Variants in GRK5 observed in about 807,000 individuals in gnomAD.
GRK5 encodes G protein-coupled receptor kinase 5, also known as g protein-coupled receptor kinase GRK5.
GRK5 carries 40 observed loss-of-function variants against 78.4 expected under a neutral mutation model. The observed-to-expected ratio is 0.51, with a 90% confidence interval of 0.40 to 0.66. GRK5 has a LOEUF of 0.66. Ranked by LOEUF, GRK5 falls within the 30% of genes least tolerant of loss-of-function variation. The pLI, the probability that GRK5 is intolerant of heterozygous loss-of-function variation, is 0.00. For synonymous variants in GRK5, 289 were observed against 296.8 expected (o/e 0.97, Z 0.27); for missense variants, 598 against 759.9 (o/e 0.79, Z 2.50).
rs67973033 is a variant in GRK5, at chr10:119,408,341, C to CAAAAAAAAA, written c.339+11583_339+11591dup. 1.4e-4 allele frequency among the ~76,000 whole-genome samples: 7 copies of CAAAAAAAAA among 48,690 alleles called. 1 individual carries two copies. Among genetic ancestry groups the CAAAAAAAAA allele is most frequent in the African/African-American group, 4.2e-4 (5 of 11,982 alleles). The allele number at this position is 48,690 out of a possible 152,430, so 31.9% of individuals were successfully genotyped here. A position where few individuals can be genotyped will look rare whatever the true frequency, so the allele number is the denominator to read the frequency against. On this transcript the variant is annotated intron_variant, in intron 4 of 15. Transcript: ENST00000392870. ...TGGGTGACAGAGCAAAACCCTGTCT[C>CAAAAAAAAA]AAAAAAAAAAAAAAAAAAAAAAGGC...
chr10:119,365,545 C>A (rs190061714), intron 2 of GRK5, among the ~76,000 whole-genome samples: 60 of 152,242 alleles, frequency 3.9e-4, no homozygotes, highest in Middle Eastern at 3.4e-3. Context: ...TGGGACCCTT[C>A]GGTGAGGGTC....
chr10:119,291,914 C>T (rs1025482866), intron 1 of GRK5, among the ~76,000 whole-genome samples: 25 of 148,956 alleles, frequency 1.7e-4, no homozygotes, highest in African/African-American at 5.9e-4. Context: ...TCCTCCTCCT[C>T]TTCTTCTTCC....
At position 119,445,261 on chromosome 10, in the gene GRK5, C is replaced by T. The variant is rs1263614094; in HGVS notation, c.1266+1509C>T. ...CTCATTGGGAGATATCTGTCAGGTG[C>T]GACAAAACGAGACAAGGGAAAGAAG... On this transcript the variant is annotated intron_variant, in intron 12 of 15. Transcript: ENST00000392870. This position sits in a 1 kb window ranked among gnomAD's most constrained non-coding sequence, Gnocchi z 4.1. 7.9e-5 allele frequency among the ~76,000 whole-genome samples: 12 copies of T among 152,148 alleles called. No individual in the cohort carries two copies. The highest frequency in any genetic ancestry group is 6.2e-4 in the South Asian group (3 of 4,822).
At chr10:119,330,465 A>T (rs1019401920) in intron 2 of GRK5, 1 of 151,780 alleles carries the variant, frequency 6.6e-6, no homozygotes, top group Non-Finnish European at 1.5e-5. Context: ...TTCCACCCTC[A>T]TGACCAAATC....
At chr10:119,262,906 G>A (rs941611632) in intron 1 of GRK5, among the ~76,000 whole-genome samples, 2 of 152,166 alleles carry the variant, frequency 1.3e-5, no homozygotes, top group African/African-American at 4.8e-5. Flanking sequence ...ATTATTCCAT[G>A]GCACCCCATT....
At chr10:119,371,352 ACT>A (rs759772758) in intron 2 of GRK5, among the ~76,000 whole-genome samples, 7 of 152,160 alleles carry the variant, frequency 4.6e-5, no homozygotes, top group Non-Finnish European at 1.0e-4. Context: ...CTATTGGGAA[ACT>A]CTGGTTGCCC....
At chr10:119,237,997 G>C (rs1316977681) in intron 1 of GRK5, among the ~76,000 whole-genome samples, 1 of 151,754 alleles carries the variant, frequency 6.6e-6, no homozygotes, top group African/African-American at 2.4e-5. Flanking sequence ...AGGGCTCTAA[G>C]CCTTGCTTCT....
At chr10:119,311,073 C>G (rs1295709058) in intron 1 of GRK5, among the ~76,000 whole-genome samples, 1 of 152,192 alleles carries the variant, frequency 6.6e-6, no homozygotes, top group East Asian at 1.9e-4. Context: ...TGGTTGTATT[C>G]CCTTTTTCAG....
At chr10:119,413,717 C>T (rs949549906) in intron 4 of GRK5, among the ~76,000 whole-genome samples, 36 of 152,264 alleles carry the variant, frequency 2.4e-4, no homozygotes, top group Admixed American at 2.4e-3. Context: ...CAGTAAGCCC[C>T]CACCTCACAG....
chr10:119,340,650 A>G (rs1226757985), intron 2 of GRK5, among the ~76,000 whole-genome samples: 1 of 152,178 alleles, frequency 6.6e-6, no homozygotes, highest in African/African-American at 2.4e-5. Context: ...ATCAGATATC[A>G]TTTAAAATGG....
Position 119,458,582 on chromosome 10 carries a change from C to T in GRK5, c.*3515C>T, listed in dbSNP as rs1033199862. The stretch of plus-strand genomic sequence containing the variant: ...GAGGCCTGGGTCATACACATACCAG[C>T]AAGCAGCTGCCGAGACAAATGGTGG... On this transcript the variant is annotated 3_prime_UTR_variant, in exon 16 of 16. Transcript: ENST00000392870. 5 of 152,234 alleles carry T rather than the reference C, an allele frequency of 3.3e-5. No homozygotes were observed. The highest frequency in any genetic ancestry group is 1.2e-4 in the African/African-American group (5 of 41,444). The allele number at this position is 152,234 out of a possible 1,614,324, so 9.4% of individuals were successfully genotyped here.
chr10:119,445,906 G>A lies in GRK5; in HGVS notation c.1266+2154G>A, dbSNP rs749212173. ...TGTCCCCCATTCTACCTTAGCAGCC[G>A]CAGAACCCACTCCCCCTCCTCTGGA... On this transcript the variant is annotated intron_variant, in intron 12 of 15. Transcript: ENST00000392870. This position sits in a 1 kb window ranked among gnomAD's most constrained non-coding sequence, Gnocchi z 4.1. Among the ~76,000 whole-genome samples, 12 of 151,380 alleles carry A rather than the reference G, an allele frequency of 7.9e-5. No individual in the cohort carries two copies. Among genetic ancestry groups the A allele is most frequent in the African/African-American group, 2.2e-4 (9 of 41,334 alleles).
intron 1 of GRK5, among the ~76,000 whole-genome samples, chr10:119,293,740 C>T (rs1243625831): frequency 2.0e-5 from 3 of 151,626 alleles, no homozygotes; most frequent in African/African-American, 7.3e-5. Flanking sequence ...TGCCTCTGCC[C>T]CGAGGCAGCA....
intron 1 of GRK5, among the ~76,000 whole-genome samples, chr10:119,315,820 C>T (rs1850477135): frequency 6.6e-6 from 1 of 152,206 alleles, no homozygotes; most frequent in South Asian, 2.1e-4. Flanking sequence ...CTGAGACCCT[C>T]CCAGACTGAT....
chr10:119,318,507 G>A (rs1420762874), intron 1 of GRK5, among the ~76,000 whole-genome samples: 1 of 152,178 alleles, frequency 6.6e-6, no homozygotes, highest in South Asian at 2.1e-4. Flanking sequence ...ACCTTAGACC[G>A]TCCACATCAC....
intron 6 of GRK5, among the ~76,000 whole-genome samples, chr10:119,425,648 T>A (rs1443640710): frequency 6.6e-6 from 1 of 152,252 alleles, no homozygotes; most frequent in East Asian, 1.9e-4. Flanking sequence ...AGTGCCCGAG[T>A]GCCTGCTCCT....
chr10:119,335,842 C>A (rs1850877854), intron 2 of GRK5: 1 of 152,252 alleles, frequency 6.6e-6, no homozygotes, highest in Non-Finnish European at 1.5e-5. Flanking sequence ...CTGCTGCCAG[C>A]CCTGTGACTT....
intron 2 of GRK5, among the ~76,000 whole-genome samples, chr10:119,356,089 T>C (rs1435758629): frequency 6.6e-6 from 1 of 152,214 alleles, no homozygotes; most frequent in African/African-American, 2.4e-5. Context: ...GGGTCATGCA[T>C]ACATTGCATT....
At chr10:119,307,538 A>G (rs941672150) in intron 1 of GRK5, among the ~76,000 whole-genome samples, 2 of 152,124 alleles carry the variant, frequency 1.3e-5, no homozygotes, top group African/African-American at 4.8e-5. Context: ...AGGAAGGGCC[A>G]TGAATTGAGC....
Sources: gnomAD v4.1 joint callset for allele counts (sites outside exome capture counted in the v4.1 genomes callset) on GRCh38, gnomAD v4.1.1 for gene constraint, Gnocchi (gnomAD v3.1) non-coding constraint, MANE v1.5 for transcripts, NCBI Gene and HGNC (gene_info 2026-07-23, HGNC 2026-07-21) for gene names.